FTO: variants seen among roughly 807,000 people sequenced by gnomAD.
FTO encodes the protein FTO alpha-ketoglutarate dependent dioxygenase.
In FTO, 47 loss-of-function variants were observed where a neutral mutation model predicts 63.9. The observed-to-expected ratio is 0.74, with a 90% CI of 0.58 to 0.94. The LOEUF (loss-of-function observed/expected upper bound fraction) is 0.94, where lower values mean the gene tolerates loss of function less well. Ranked by LOEUF, FTO falls within the 40% of genes least tolerant of loss-of-function variation. The pLI is 0.00. For missense variants in FTO, 562 were observed against 618.1 expected, an observed-to-expected ratio of 0.91 and a Z score of 0.96; for synonymous variants, 207 against 224.4, an observed-to-expected ratio of 0.92 and a Z score of 0.69.
In FTO at chr16:54,115,601, G is replaced by C. The variant is rs2086969056; in HGVS notation, c.*3686G>C. ...GAAAGGGGACGGCGGGCCCAGGCAG[G>C]AGAGCCTTGGGAGGGGGTGCCCAAG... On this transcript the variant is annotated 3_prime_UTR_variant, in exon 9 of 9. Transcript: ENST00000471389. The C allele has an allele frequency of 1.3e-5, 2 of 152,304 alleles. No homozygotes were observed. Among genetic ancestry groups the C allele is most frequent in the Non-Finnish European group, 2.9e-5 (2 of 68,252 alleles). The allele number at this position is 152,304 out of a possible 1,614,324, so 9.4% of individuals were successfully genotyped here.
At chr16:54,089,355 C>T (rs1034691238) in intron 8 of FTO, among the ~76,000 whole-genome samples, 14 of 152,304 alleles carry the variant, frequency 9.2e-5, no homozygotes, top group Admixed American at 7.2e-4. Flanking sequence ...TTGAGAATGG[C>T]AGAGATAGGG....
intron 1 of FTO, among the ~76,000 whole-genome samples, chr16:53,735,978 T>A (rs1356410894): frequency 1.3e-5 from 2 of 152,184 alleles, no homozygotes; most frequent in African/African-American, 2.4e-5. Flanking sequence ...AAAATGGAGA[T>A]AATATATCAC....
At chr16:54,021,677 A>C (rs1368780295) in intron 8 of FTO, among the ~76,000 whole-genome samples, 1 of 152,000 alleles carries the variant, frequency 6.6e-6, no homozygotes, top group Non-Finnish European at 1.5e-5. Context: ...TTTAGTGGAG[A>C]CAGGATTTCC....
intron 8 of FTO, among the ~76,000 whole-genome samples, chr16:54,029,531 T>C (rs1408539421): frequency 2.0e-5 from 3 of 152,160 alleles, no homozygotes; most frequent in Non-Finnish European, 4.4e-5. Context: ...CACAAGCCAC[T>C]TTGCAAAGTG....
intron 8 of FTO, among the ~76,000 whole-genome samples, chr16:53,971,519 C>T (rs1260564217): frequency 2.6e-5 from 4 of 152,250 alleles, no homozygotes; most frequent in Non-Finnish European, 4.4e-5. Flanking sequence ...GTTAATCTGT[C>T]GACTAATTGT....
intron 4 of FTO, among the ~76,000 whole-genome samples, chr16:53,865,503 T>A (rs1031802641): frequency 3.4e-4 from 51 of 152,226 alleles, no homozygotes; most frequent in Admixed American, 6.5e-5. Flanking sequence ...GTCCTAAGGT[T>A]TTGTGACTTA....
At chr16:53,710,543 G>A (rs961706793) in intron 1 of FTO, among the ~76,000 whole-genome samples, 3 of 152,192 alleles carry the variant, frequency 2.0e-5, no homozygotes, top group Non-Finnish European at 2.9e-5. Context: ...GATTACAGGC[G>A]TGAGCCACCG....
At chr16:53,734,132 A>C (rs554201169) in intron 1 of FTO, among the ~76,000 whole-genome samples, 11 of 152,256 alleles carry the variant, frequency 7.2e-5, no homozygotes, top group African/African-American at 2.4e-4. Context: ...TCCATTAAGG[A>C]AATTCTCTGC....
At chr16:53,830,169 A>G (rs2079107338) in intron 3 of FTO, among the ~76,000 whole-genome samples, 1 of 152,220 alleles carries the variant, frequency 6.6e-6, no homozygotes, top group African/African-American at 2.4e-5. Context: ...GGATACGTGT[A>G]ATTATATACT....
At chr16:54,072,371 A>AGGCAGCC (rs2085891256) in intron 8 of FTO, 1 of 152,260 alleles carries the variant, frequency 6.6e-6, no homozygotes, top group South Asian at 2.1e-4. Context: ...TGCAGACCAC[A>AGGCAGCC]GGCAGCCAGC....
At chr16:53,829,421 A>T (rs2079089351) in intron 3 of FTO, among the ~76,000 whole-genome samples, 1 of 152,238 alleles carries the variant, frequency 6.6e-6, no homozygotes, top group Admixed American at 6.5e-5. Context: ...CATACAAAGC[A>T]TGTGGCTCTG....
At chr16:54,097,597 G>A (rs2086546545) in intron 8 of FTO, among the ~76,000 whole-genome samples, 1 of 152,224 alleles carries the variant, frequency 6.6e-6, no homozygotes, top group African/African-American at 2.4e-5. Context: ...GATGCAAGAT[G>A]CTTTCAATCC....
intron 8 of FTO, among the ~76,000 whole-genome samples, chr16:54,052,025 A>G (rs1309759224): frequency 6.6e-6 from 1 of 152,212 alleles, no homozygotes; most frequent in African/African-American, 2.4e-5. Flanking sequence ...CTTGTGGGCA[A>G]CAGGAGCTTT....
At chr16:53,810,015 C>A in intron 1 of FTO, 125 bp from the exon 2 acceptor site, 1 of 644,468 alleles carries the variant, frequency 1.6e-6, no homozygotes, top group Non-Finnish European at 2.8e-6. Flanking sequence ...TAATTTCTAT[C>A]TCTAAAAGAT....
intron 8 of FTO, among the ~76,000 whole-genome samples, chr16:53,986,169 A>T (rs893452769): frequency 3.3e-5 from 5 of 152,194 alleles, no homozygotes; most frequent in Non-Finnish European, 7.3e-5. Flanking sequence ...AACACTTCAT[A>T]AGTTCAATCT....
intron 8 of FTO, among the ~76,000 whole-genome samples, chr16:54,016,756 G>T (rs1277183973): frequency 6.6e-6 from 1 of 152,130 alleles, no homozygotes; most frequent in African/African-American, 2.4e-5. Context: ...GGTAGTGCTT[G>T]GTTAGCGATA....
intron 4 of FTO, among the ~76,000 whole-genome samples, chr16:53,858,701 C>T (rs747180404): frequency 1.8e-4 from 28 of 151,996 alleles, no homozygotes; most frequent in Admixed American, 2.6e-4. Context: ...TGATCTGTCA[C>T]CCAGGCTGGA....
intron 8 of FTO, chr16:53,935,515 TC>T (rs1230596340): frequency 6.6e-6 from 1 of 152,206 alleles, no homozygotes; most frequent in Non-Finnish European, 1.5e-5. Context: ...CCTTCCCCCA[TC>T]TTTTTGGTGG....
intron 8 of FTO, among the ~76,000 whole-genome samples, chr16:54,092,842 G>A (rs1460393573): frequency 1.3e-5 from 2 of 152,190 alleles, no homozygotes; most frequent in Non-Finnish European, 2.9e-5. Context: ...CCCTAGGTGA[G>A]ACTGTAAGGA....
Sources: allele counts gnomAD v4.1 joint callset (sites outside exome capture counted in the v4.1 genomes callset), GRCh38; gene constraint gnomAD v4.1.1; transcripts MANE v1.5; gene names NCBI Gene and HGNC (gene_info 2026-07-23, HGNC 2026-07-21).